GRID2IP: variants seen among roughly 807,000 people sequenced by gnomAD.
GRID2IP encodes Grid2 interacting protein, also known as delphilin.
A neutral mutation model predicts 114.3 loss-of-function variants in GRID2IP; 78 were observed. The ratio of observed to expected loss-of-function variants is 0.68; its 90% confidence interval spans 0.57 to 0.82. GRID2IP has a LOEUF of 0.82. GRID2IP is among the 40% of genes least tolerant of loss of function. The pLI, the probability that GRID2IP is intolerant of heterozygous loss-of-function variation, is 0.00. For missense variants in GRID2IP, 1,727 were observed against 1,678.5 expected (o/e 1.03, Z -0.51); for synonymous variants, 809 against 724.0 (o/e 1.12, Z -1.89).
At position 6,501,871 on chromosome 7, in the gene GRID2IP, C is replaced by G; in HGVS notation, c.3309G>C (p.Leu1103=). The G allele has an allele frequency of 6.4e-7, 1 of 1,551,540 alleles. No homozygotes were observed. Among genetic ancestry groups the G allele is most frequent in the Non-Finnish European group, 8.7e-7 (1 of 1,146,976 alleles). The change falls in exon 20 of 22, where the codon CTG becomes CTC. Residue 1103 remains leucine (L), a synonymous_variant. Transcript: ENST00000457091. ...CGCTGATAGTGCCATGGAGGTCAGCCAGGTCACTGGTCAGGGCCCGTTGGT... is the reference window on the plus strand; with the variant it reads ...CGCTGATAGTGCCATGGAGGTCAGCGAGGTCACTGGTCAGGGCCCGTTGGT... ...KVNQRALTSD[L]ADLHGTISEI...
intron 2 of GRID2IP, among the ~76,000 whole-genome samples, chr7:6,533,734 C>T (rs1779676969): frequency 6.8e-6 from 1 of 147,406 alleles, no homozygotes; most frequent in Non-Finnish European, 1.5e-5. Context: ...TGGCCTTAAG[C>T]TCCTGGGCTC....
At position 6,520,558 on chromosome 7, in the gene GRID2IP, C is replaced by T. The variant is rs780098009; in HGVS notation, c.1268+20G>A. The T allele has an allele frequency of 3.4e-5, 52 of 1,546,076 alleles. 1 individual carries two copies. Among genetic ancestry groups the T allele is most frequent in the Admixed American group, 2.0e-4 (10 of 50,848 alleles). ...GGGCCCACCCAGGGCAGGGCCCCAC[C>T]GCGGCTTTGGCCCGGCCACCTGTGC... On this transcript the variant is annotated intron_variant, in intron 7 of 21. Coordinates refer to ENST00000457091, the MANE Select transcript of GRID2IP (RefSeq NM_001145118.2). This position sits in a 1 kb window ranked among gnomAD's most constrained non-coding sequence, Gnocchi z 4.6.
chr7:6,510,525 G>T (rs1034340741), intron 10 of GRID2IP, 84 bp downstream of exon 10: 3 of 1,318,928 alleles, frequency 2.3e-6, no homozygotes, highest in Middle Eastern at 1.9e-4. Flanking sequence ...GGACGCCTTG[G>T]CCTGGGTCTC....
chr7:6,508,887 G>A lies in GRID2IP; in HGVS notation c.2127+71C>T. On this transcript the variant is annotated intron_variant, in intron 12 of 21. Transcript: ENST00000457091. The surrounding 1 kb of genome is among the most constrained non-coding windows in gnomAD (Gnocchi z 5.6). Reference sequence around the variant, plus strand: ...CAGCAGGCCCCTTGCGGGAGCCCAGGAACACTGTTGCCTTGCAGACCGCCA... The same window carrying A: ...CAGCAGGCCCCTTGCGGGAGCCCAGAAACACTGTTGCCTTGCAGACCGCCA... 1.3e-5 allele frequency: 19 copies of A among 1,494,528 alleles called. No individual in the cohort carries two copies. The highest frequency in any genetic ancestry group is 1.6e-5 in the Non-Finnish European group (18 of 1,124,384). The allele number at this position is 1,494,528 out of a possible 1,614,324, so 92.6% of individuals were successfully genotyped here.
In GRID2IP at chr7:6,514,406, G is replaced by T. The variant is rs1389077473; in HGVS notation, c.1392C>A (p.Ile464=). ...TGGCCGTGTAGCCCAGGAAGCATGCGATTTTCTCCTGACAGAGCTCCTGCT... is the reference window on the plus strand; with the variant it reads ...TGGCCGTGTAGCCCAGGAAGCATGCTATTTTCTCCTGACAGAGCTCCTGCT... ...YEEQELCQEK[I]ACFLGYTAMT... The change falls in exon 8 of 22, where the codon ATC becomes ATA. Residue 464 remains isoleucine, a synonymous_variant. Coordinates refer to ENST00000457091, the MANE Select transcript of GRID2IP (RefSeq NM_001145118.2). 1.3e-6 allele frequency: 2 copies of T among 1,543,974 alleles called. No individual in the cohort carries two copies. The highest frequency in any genetic ancestry group is 1.8e-6 in the Non-Finnish European group (2 of 1,142,624).
chr7:6,550,049 G>T (rs1295264710), intron 1 of GRID2IP, among the ~76,000 whole-genome samples: 2 of 71,376 alleles, frequency 2.8e-5, no homozygotes, highest in Admixed American at 1.4e-4. Context: ...GGAATGCAGT[G>T]GTGCAGTCAT....
intron 2 of GRID2IP, among the ~76,000 whole-genome samples, chr7:6,527,760 ATT>A (rs111974045): frequency 2.8e-5 from 4 of 142,272 alleles, no homozygotes; most frequent in Admixed American, 7.1e-5. Flanking sequence ...CACCAGGCTA[ATT>A]TTTTTTTTTT....
chr7:6,502,319 G>C (rs560663830), intron 18 of GRID2IP, among the ~76,000 whole-genome samples: 1 of 151,982 alleles, frequency 6.6e-6, no homozygotes, highest in Admixed American at 6.6e-5. Flanking sequence ...CAAACTCCTA[G>C]GCTCAAGCGA....
intron 7 of GRID2IP, among the ~76,000 whole-genome samples, chr7:6,518,625 A>G (rs2115069084): frequency 6.6e-6 from 1 of 152,036 alleles, no homozygotes; most frequent in Non-Finnish European, 1.5e-5. Flanking sequence ...AGTCCCAGCT[A>G]CTCGGGAGGC....
chr7:6,535,962 C>T (rs1562523669), intron 2 of GRID2IP, among the ~76,000 whole-genome samples: 1 of 152,198 alleles, frequency 6.6e-6, no homozygotes, highest in Non-Finnish European at 1.5e-5. Context: ...CCACCTCCTG[C>T]TGCCTCCTCC....
chr7:6,530,451 G>A (rs1341678891), intron 2 of GRID2IP, among the ~76,000 whole-genome samples: 1 of 151,162 alleles, frequency 6.6e-6, no homozygotes, highest in Non-Finnish European at 1.5e-5. Context: ...TTTTAGTAGA[G>A]ACGGGGTTTC....
chr7:6,503,716 GCGGGGC>G (rs1262363652), intron 15 of GRID2IP, 29 bp from the exon 16 acceptor site: 2 of 1,434,350 alleles, frequency 1.4e-6, no homozygotes, highest in Admixed American at 5.1e-5. Flanking sequence ...GGTGAGCTGG[GCGGGGC>G]CGGAGCGGGG....
At chr7:6,527,567 T>C (rs564425015) in intron 2 of GRID2IP, among the ~76,000 whole-genome samples, 3 of 152,178 alleles carry the variant, frequency 2.0e-5, no homozygotes, top group Admixed American at 1.3e-4. Context: ...GCTGCAGGGC[T>C]AGAAACTCTC....
chr7:6,504,708 C>G, intron 15 of GRID2IP, 85 bp downstream of exon 15: 3 of 1,065,052 alleles, frequency 2.8e-6, no homozygotes, highest in Non-Finnish European at 4.1e-6. Flanking sequence ...CGCCTAATCT[C>G]TGTCATCCAC....
rs1175019282 is a variant in GRID2IP at position 6,526,735 on chromosome 7, C to T, written c.619G>A (p.Asp207Asn). ...FIPKKHRARF[D>N]EVVSQGLLGK... ...AGGAGGCCCTGAGACACCACCTCGTCGAAGCGCGCCCGGTGCTTCTTGGGG... is the reference window on the plus strand; with the variant it reads ...AGGAGGCCCTGAGACACCACCTCGTTGAAGCGCGCCCGGTGCTTCTTGGGG... Residue 207 changes from aspartate (D) to asparagine (N), a missense_variant, in exon 3 of 22, where the codon GAC (aspartate) becomes AAC (asparagine). Coordinates refer to ENST00000457091, the MANE Select transcript of GRID2IP (RefSeq NM_001145118.2). This position sits in a 1 kb window ranked among gnomAD's most constrained non-coding sequence, Gnocchi z 7.6. 6.6e-7 allele frequency: 1 copy of T among 1,525,162 alleles called. No individual in the cohort carries two copies. Among genetic ancestry groups the T allele is most frequent in the South Asian group, 1.2e-5 (1 of 83,116 alleles). 94.5% of individuals were successfully genotyped at this position (1,525,162 alleles called of 1,614,324 possible). A position where few individuals can be genotyped will look rare whatever the true frequency, so the allele number is the denominator to read the frequency against.
chr7:6,511,091 G>A (rs1779142187), intron 8 of GRID2IP, 52 bp from the exon 9 acceptor site: 2 of 1,343,944 alleles, frequency 1.5e-6, no homozygotes, highest in Non-Finnish European at 1.9e-6. Context: ...AGCCAGACAA[G>A]GGACCTCCAA....
chr7:6,543,274 G>A (rs1583354734), intron 1 of GRID2IP, among the ~76,000 whole-genome samples: 3 of 152,174 alleles, frequency 2.0e-5, no homozygotes, highest in Admixed American at 2.0e-4. Flanking sequence ...GCAAACGCCT[G>A]TAATCCCAGT....
intron 2 of GRID2IP, among the ~76,000 whole-genome samples, chr7:6,533,733 G>C (rs959668881): frequency 6.9e-6 from 1 of 145,256 alleles, no homozygotes; most frequent in African/African-American, 2.6e-5. Flanking sequence ...CTGGCCTTAA[G>C]CTCCTGGGCT....
rs1452471980 is a variant in GRID2IP, at chr7:6,526,743, G to A, written c.611C>T (p.Ala204Val). 6.6e-7 allele frequency: 1 copy of A among 1,523,734 alleles called. No individual in the cohort carries two copies. 94.4% of individuals were successfully genotyped at this position (1,523,734 alleles called of 1,614,324 possible). ...LRIFIPKKHR[A>V]RFDEVVSQGL... is the part of the protein sequence containing the mutation. ...CTGAGACACCACCTCGTCGAAGCGC[G>A]CCCGGTGCTTCTTGGGGATGAAGAT... Residue 204 changes from alanine to valine, a missense_variant, in exon 3 of 22, where the codon GCG (alanine) becomes GTG (valine). By Grantham distance (64) the Ala-to-Val change is moderately conservative. Transcript: ENST00000457091. The surrounding 1 kb of genome is among the most constrained non-coding windows in gnomAD (Gnocchi z 7.6).
Sources: allele counts gnomAD v4.1 joint callset (sites outside exome capture counted in the v4.1 genomes callset), GRCh38; gene constraint gnomAD v4.1.1; non-coding constraint Gnocchi (gnomAD v3.1); transcripts MANE v1.5; gene names NCBI Gene and HGNC (gene_info 2026-07-23, HGNC 2026-07-21).